CIT: variants seen among roughly 807,000 people sequenced by gnomAD.
The protein encoded by CIT is citron rho-interacting serine/threonine kinase.
CIT carries 79 observed loss-of-function variants against 272.7 expected under a neutral mutation model. That is an observed-to-expected ratio of 0.29 (90% CI 0.24 to 0.35). The LOEUF is 0.35. Ranked by LOEUF, CIT falls within the 10% of genes least tolerant of loss-of-function variation. The probability of loss-of-function intolerance (pLI) is 1.00; values close to 1 mark genes in which losing one functional copy is unlikely to be tolerated. For missense variants in CIT, 1,909 were observed against 2,618.3 expected (o/e 0.73, Z 5.91); for synonymous variants, 948 against 995.6 (o/e 0.95, Z 0.90).
intron 16 of CIT, among the ~76,000 whole-genome samples, chr12:119,774,220 GA>G (rs1474314051): frequency 1.3e-5 from 2 of 151,830 alleles, no homozygotes; most frequent in East Asian, 3.8e-4. Flanking sequence ...CCAGTAATGG[GA>G]ATAAACTTAG....
chr12:119,799,523 T>C (rs181854332), intron 10 of CIT, among the ~76,000 whole-genome samples: 1 of 152,150 alleles, frequency 6.6e-6, no homozygotes, highest in African/African-American at 2.4e-5. Flanking sequence ...TCCATCGCTG[T>C]GTTTTCAGAA....
intron 2 of CIT, among the ~76,000 whole-genome samples, chr12:119,869,910 GCCCCT>G (rs768838001): frequency 1.1e-4 from 16 of 152,174 alleles, no homozygotes; most frequent in Non-Finnish European, 1.8e-4. Flanking sequence ...GAGTAATGCT[GCCCCT>G]CCCGGTAGCA....
chr12:119,764,297 T>A (rs922474507), intron 19 of CIT, among the ~76,000 whole-genome samples: 1 of 152,088 alleles, frequency 6.6e-6, no homozygotes, highest in Admixed American at 6.5e-5. Flanking sequence ...GATGATAAAA[T>A]AACTATGCTC....
chr12:119,738,586 T>TAA (rs34667302), intron 24 of CIT, among the ~76,000 whole-genome samples: 37,170 of 150,942 alleles, frequency 0.25, 4,771 homozygotes, highest in Middle Eastern at 0.33. Flanking sequence ...CAGAAGATAT[T>TAA]AAAAAAAAAG....
chr12:119,817,310 G>C (rs1967278869), intron 9 of CIT, among the ~76,000 whole-genome samples: 1 of 152,106 alleles, frequency 6.6e-6, no homozygotes, highest in Non-Finnish European at 1.5e-5. Context: ...AGGAGACCGA[G>C]ACCATCCTGG....
chr12:119,762,185 C>T (rs766892975), intron 19 of CIT, among the ~76,000 whole-genome samples: 2 of 151,556 alleles, frequency 1.3e-5, no homozygotes, highest in Non-Finnish European at 2.9e-5. Flanking sequence ...AGGGAGTCCA[C>T]AGGAGAAAGA....
Position 119,773,442 on chromosome 12 carries a change from T to C in CIT, c.1942-532A>G, listed in dbSNP as rs532861203. On this transcript the variant is annotated intron_variant, in intron 16 of 47. Transcript: ENST00000392521. ...TTCAAATGACTTCACCTGTTTTGCT[T>C]TTTTTTTGAGACGGAGTTTTGCTCT... Among the ~76,000 whole-genome samples, 25 of 152,108 alleles carry C rather than the reference T, an allele frequency of 1.6e-4. No homozygotes were observed. The East Asian group carries it at 4.2e-3, about 26-fold the overall frequency.
intron 10 of CIT, among the ~76,000 whole-genome samples, chr12:119,792,604 G>C (rs1310905958): frequency 6.6e-6 from 1 of 151,928 alleles, no homozygotes; most frequent in East Asian, 1.9e-4. Flanking sequence ...GGAGTAGTTG[G>C]GACTACAGGC....
chr12:119,760,879 T>C, intron 20 of CIT, 60 bp downstream of exon 20: 1 of 1,063,264 alleles, frequency 9.4e-7, no homozygotes, highest in Non-Finnish European at 1.5e-6. Flanking sequence ...TCAGGGGTGA[T>C]TCTTGGCATA....
At chr12:119,869,325 A>C (rs1188833475) in intron 2 of CIT, 124 bp from the exon 3 acceptor site, 3 of 866,954 alleles carry the variant, frequency 3.5e-6, no homozygotes, top group Non-Finnish European at 5.2e-6. Flanking sequence ...CTAACAGCAC[A>C]ATTCTGTGGC....
At chr12:119,745,355 A>T (rs1959203938) in intron 23 of CIT, among the ~76,000 whole-genome samples, 1 of 145,986 alleles carries the variant, frequency 6.8e-6, no homozygotes, top group Admixed American at 6.9e-5. Context: ...GTGCTGAAAT[A>T]AAAAACAGAA....
chr12:119,697,330 C>G lies in CIT; in HGVS notation c.5882+329G>C, dbSNP rs1310081394. ...TGCTTTATTCACCATTCTCCCTCCC[C>G]CACAAGCCCAACAACTAGCACCGCA... On this transcript the variant is annotated intron_variant, in intron 46 of 47. Transcript: ENST00000392521. This position sits in a 1 kb window ranked among gnomAD's most constrained non-coding sequence, Gnocchi z 4.9. Among the ~76,000 whole-genome samples, 2 of 152,182 alleles carry G rather than the reference C, an allele frequency of 1.3e-5. No homozygotes were observed. Among genetic ancestry groups the G allele is most frequent in the Non-Finnish European group, 2.9e-5 (2 of 68,024 alleles).
chr12:119,814,931 G>A (rs1463839073), intron 9 of CIT, among the ~76,000 whole-genome samples: 1 of 151,852 alleles, frequency 6.6e-6, no homozygotes, highest in Non-Finnish European at 1.5e-5. Flanking sequence ...CCAGCTGCGT[G>A]GGAGGCTGAG....
At chr12:119,782,947 CAGT>C (rs1379827351) in intron 12 of CIT, 1 of 212,000 alleles carries the variant, frequency 4.7e-6, no homozygotes, top group East Asian at 1.1e-4. Flanking sequence ...TATTAAGACC[CAGT>C]AGCTATTACA....
chr12:119,769,400 C>A (rs894114134), intron 18 of CIT, among the ~76,000 whole-genome samples: 1 of 152,164 alleles, frequency 6.6e-6, no homozygotes, highest in Non-Finnish European at 1.5e-5. Flanking sequence ...TCCTGTTATG[C>A]AAATACTGTT....
Position 119,712,609 on chromosome 12 carries a change from C to T in CIT, c.4666G>A (p.Ala1556Thr), listed in dbSNP as rs751322516. ...IHGAVGASEL[A>T]NTAKADVPYI... Reference sequence around the variant, plus strand: ...TCCTCACCTGCTTTGGCTGTATTTGCGAGTTCGGAAGCACCAACGGCACCA... The same window carrying T: ...TCCTCACCTGCTTTGGCTGTATTTGTGAGTTCGGAAGCACCAACGGCACCA... Residue 1556 changes from alanine to threonine, a missense_variant, in exon 36 of 48, where the codon GCA becomes ACA. By Grantham distance (58) the Ala-to-Thr change is moderately conservative (BLOSUM62 0). Transcript: ENST00000392521. The surrounding 1 kb of genome is among the most constrained non-coding windows in gnomAD (Gnocchi z 5.2). 1.5e-5 allele frequency: 25 copies of T among 1,614,116 alleles called. No individual in the cohort carries two copies. Among genetic ancestry groups the T allele is most frequent in the Middle Eastern group, 1.7e-4 (1 of 6,054 alleles).
chr12:119,727,243 A>G (rs1007883695), intron 28 of CIT, among the ~76,000 whole-genome samples: 1 of 152,260 alleles, frequency 6.6e-6, no homozygotes, highest in African/African-American at 2.4e-5. Flanking sequence ...TAATGTGTTA[A>G]ATACCTTAAG....
At position 119,701,603 on chromosome 12, in the gene CIT, G is replaced by C. The variant is rs368957852; in HGVS notation, c.5542+21C>G. ...GTGTCCATGAGGACCCAAAAGGGCAGTGGGCGCAGCCACGACTCACCGTGG... is the reference window on the plus strand; with the variant it reads ...GTGTCCATGAGGACCCAAAAGGGCACTGGGCGCAGCCACGACTCACCGTGG... On this transcript the variant is annotated intron_variant, in intron 43 of 47. Coordinates refer to ENST00000392521, the MANE Select transcript of CIT (RefSeq NM_001206999.2). The C allele has an allele frequency of 1.9e-6, 3 of 1,610,822 alleles. No homozygotes were observed. The African/African-American group carries it at 4.0e-5, about 22-fold the overall frequency.
At position 119,784,704 on chromosome 12, in the gene CIT, C is replaced by T; in HGVS notation, c.1401+256G>A. 7.5e-7 allele frequency: 1 copy of T among 1,334,786 alleles called. No homozygotes were observed. The allele number at this position is 1,334,786 out of a possible 1,614,324, so 82.7% of individuals were successfully genotyped here. ...CCTGCCGGAAGAAGCAGACATCTGG[C>T]TGGGTCATGCTGAGAAACGGACTGT... is the stretch of plus-strand genomic sequence containing the variant. On this transcript the variant is annotated intron_variant, in intron 11 of 47. Coordinates refer to ENST00000392521, the MANE Select transcript of CIT (RefSeq NM_001206999.2). This position sits in a 1 kb window ranked among gnomAD's most constrained non-coding sequence, Gnocchi z 4.7.
Sources: allele counts gnomAD v4.1 joint callset (sites outside exome capture counted in the v4.1 genomes callset), GRCh38; gene constraint gnomAD v4.1.1; non-coding constraint Gnocchi (gnomAD v3.1); transcripts MANE v1.5; gene names NCBI Gene and HGNC (gene_info 2026-07-23, HGNC 2026-07-21).